PREPL: variants seen among roughly 807,000 people sequenced by gnomAD.
PREPL encodes prolyl endopeptidase-like.
PREPL carries 77 observed loss-of-function variants against 70.6 expected under a neutral mutation model. The observed-to-expected ratio is 1.09, with a 90% CI of 0.91 to 1.32. The LOEUF is 1.32. PREPL is among the 40% of genes most tolerant of loss of function. The pLI is 0.00. For synonymous variants in PREPL, 315 were observed against 264.8 expected, an observed-to-expected ratio of 1.19 and a Z score of -1.84; for missense variants, 1,002 against 778.2, an observed-to-expected ratio of 1.29 and a Z score of -3.42.
In PREPL at chr2:44,321,297, T is replaced by G; in HGVS notation, c.*59A>C. ...TTAATTTTTTTTTTGCTAACTCAAT[T>G]GGAAGTAAGACTATGAAATATTTCA... On this transcript the variant is annotated 3_prime_UTR_variant, in exon 14 of 14. Transcript: ENST00000409411. 2 of 1,361,784 alleles carry G rather than the reference T, an allele frequency of 1.5e-6. No homozygotes were observed. The highest frequency in any genetic ancestry group is 4.3e-5 in the Admixed American group (2 of 46,508). 84.4% of individuals were successfully genotyped at this position (1,361,784 alleles called of 1,614,324 possible). A position where few individuals can be genotyped will look rare whatever the true frequency, so the allele number is the denominator to read the frequency against.
In PREPL at chr2:44,346,332, A is replaced by G; in HGVS notation, c.11T>C (p.Phe4Ser). 3.7e-6 allele frequency: 6 copies of G among 1,612,360 alleles called. No individual in the cohort carries two copies. Among genetic ancestry groups the G allele is most frequent in the Non-Finnish European group, 5.1e-6 (6 of 1,178,846 alleles). Residue 4 changes from phenylalanine to serine, a missense_variant, in exon 2 of 14, where the codon TTT becomes TCT. Coordinates refer to ENST00000409411, the MANE Select transcript of PREPL (RefSeq NM_001171613.2). ...TTCTAATTTTGTTCTCACTTTTTCA[A>G]ATGCATCCATGTTTTCTGGAAGGGG... Reference protein sequence around the residue: MDAFEKVRTKLETQ... With the variant: MDASEKVRTKLETQ...
Position 44,320,960 on chromosome 2 carries a change from A to G in PREPL, c.*396T>C, listed in dbSNP as rs995356269. The G allele has an allele frequency of 2.5e-6, 1 of 406,540 alleles. No individual in the cohort carries two copies. Among genetic ancestry groups the G allele is most frequent in the African/African-American group, 2.0e-5 (1 of 49,208 alleles). The allele number at this position is 406,540 out of a possible 1,614,324, so 25.2% of individuals were successfully genotyped here. ...AATTTTATCTTTTCCCTTAAAATGC[A>G]GTCATAGAAATTAGAGGATGACTCA... On this transcript the variant is annotated 3_prime_UTR_variant, in exon 14 of 14. Transcript: ENST00000409411.
chr2:44,344,587 C>A lies in PREPL; in HGVS notation c.76-1G>T. The A allele has an allele frequency of 6.3e-7, 1 of 1,594,876 alleles. No individual in the cohort carries two copies. The highest frequency in any genetic ancestry group is 8.5e-7 in the Non-Finnish European group (1 of 1,170,984). The stretch of plus-strand genomic sequence containing the variant: ...AATAAACAAAACCACCATGTTTAAC[C>A]TGACAAAAGAAACATGCAGTTTACT... On this transcript the variant is annotated splice_acceptor_variant, in intron 2 of 13. Transcript: ENST00000409411. LOFTEE classifies it high-confidence loss of function.
intron 4 of PREPL, 28 bp downstream of exon 4, chr2:44,343,717 C>A (rs948670478): frequency 1.3e-5 from 20 of 1,582,318 alleles, no homozygotes; most frequent in Non-Finnish European, 1.6e-5. Context: ...CCTTTCAACA[C>A]AGAGGACTAT....
At chr2:44,338,658 A>C (rs1236940627) in intron 6 of PREPL, 122 bp from the exon 7 acceptor site, 13 of 786,258 alleles carry the variant, frequency 1.7e-5, no homozygotes, top group Admixed American at 6.1e-5. Flanking sequence ...AGCTGAAGGA[A>C]CTAACGCTGC....
In PREPL at chr2:44,319,866, A is replaced by C. The variant is rs1192154484; in HGVS notation, c.*1490T>G. On this transcript the variant is annotated 3_prime_UTR_variant, in exon 14 of 14. Coordinates refer to ENST00000409411, the MANE Select transcript of PREPL (RefSeq NM_001171613.2). ...GGCAGTTACAATATAGCACAGAATG[A>C]CTATGCAAGTTAAATATTCATCTTA... 3.6e-6 allele frequency: 1 copy of C among 275,018 alleles called. No individual in the cohort carries two copies. The highest frequency in any genetic ancestry group is 2.2e-5 in the African/African-American group (1 of 44,612). The allele number at this position is 275,018 out of a possible 1,614,324, so 17.0% of individuals were successfully genotyped here.
At chr2:44,329,654 C>T (rs956800076) in intron 8 of PREPL, among the ~76,000 whole-genome samples, 1 of 151,934 alleles carries the variant, frequency 6.6e-6, no homozygotes, top group Non-Finnish European at 1.5e-5. Context: ...CTTCAAAGGC[C>T]CATTTAACTT....
chr2:44,352,318 C>T (rs1200316388), intron 1 of PREPL, among the ~76,000 whole-genome samples: 2 of 152,060 alleles, frequency 1.3e-5, no homozygotes, highest in Non-Finnish European at 2.9e-5. Context: ...AGCTGGAGTG[C>T]AGTGGCATGA....
In PREPL at chr2:44,322,696, T is replaced by A. The variant is rs372543126; in HGVS notation, c.1753+35A>T. On this transcript the variant is annotated intron_variant, in intron 12 of 13. Transcript: ENST00000409411. ...CAGTGTGCTGTGGGTAGTAGTCTGT[T>A]TGGCCATGTTCCCTGCTTCTAGGGG... 15 of 1,602,706 alleles carry A rather than the reference T, an allele frequency of 9.4e-6. No homozygotes were observed. The East Asian group carries it at 3.1e-4, about 33-fold the overall frequency.
At chr2:44,350,864 C>T (rs1229215777) in intron 1 of PREPL, among the ~76,000 whole-genome samples, 1 of 152,122 alleles carries the variant, frequency 6.6e-6, no homozygotes. Context: ...AAACACTTTT[C>T]TTTACTTGGC....
chr2:44,320,764 T>C lies in PREPL; in HGVS notation c.*592A>G. On this transcript the variant is annotated 3_prime_UTR_variant, in exon 14 of 14. Transcript: ENST00000409411. ...TTCTTCGATATTTCTGTAGCTTGAA[T>C]GTAACTGCTTTAAGAAAGGTTCTCA... 1 of 816,798 alleles carries C rather than the reference T, an allele frequency of 1.2e-6. No individual in the cohort carries two copies. Among genetic ancestry groups the C allele is most frequent in the Non-Finnish European group, 2.1e-6 (1 of 487,506 alleles). 50.6% of individuals were successfully genotyped at this position (816,798 alleles called of 1,614,324 possible). A position where few individuals can be genotyped will look rare whatever the true frequency, so the allele number is the denominator to read the frequency against.
Position 44,320,405 on chromosome 2 carries a change from T to A in PREPL, c.*951A>T. On this transcript the variant is annotated 3_prime_UTR_variant, in exon 14 of 14. Transcript: ENST00000409411. ...GAGAATCAACACTGTTAAATCTACA[T>A]AATATGATTTCGGGCCTTCCCGCTA... 6.2e-7 allele frequency: 1 copy of A among 1,614,046 alleles called. No homozygotes were observed. The highest frequency in any genetic ancestry group is 1.1e-5 in the South Asian group (1 of 91,070).
At chr2:44,338,280 G>A in intron 7 of PREPL, 71 bp downstream of exon 7, 1 of 1,344,014 alleles carries the variant, frequency 7.4e-7, no homozygotes, top group South Asian at 1.3e-5. Context: ...TATTCAAAAT[G>A]TGATGTTCTG....
intron 3 of PREPL, 96 bp from the exon 4 acceptor site, chr2:44,344,047 G>A (rs1675513956): frequency 7.2e-7 from 1 of 1,391,220 alleles, no homozygotes; most frequent in South Asian, 1.5e-5. Flanking sequence ...TTCCCATTCT[G>A]TAAGAGGCCA....
chr2:44,323,922 T>G (rs1673233757), intron 10 of PREPL, among the ~76,000 whole-genome samples: 1 of 152,206 alleles, frequency 6.6e-6, no homozygotes, highest in Non-Finnish European at 1.5e-5. Flanking sequence ...ATTCCACTCC[T>G]GGCATATAAT....
chr2:44,335,672 T>C (rs1317641020), intron 7 of PREPL, among the ~76,000 whole-genome samples: 9 of 151,964 alleles, frequency 5.9e-5, no homozygotes, highest in Admixed American at 2.0e-4. Flanking sequence ...CCAAAAGCAA[T>C]TGCAACAAAA....
In PREPL at chr2:44,318,230, A is replaced by T. The variant is rs977028829; in HGVS notation, c.*3126T>A. 1 of 361,140 alleles carries T rather than the reference A, an allele frequency of 2.8e-6. No individual in the cohort carries two copies. Among genetic ancestry groups the T allele is most frequent in the Non-Finnish European group, 5.5e-6 (1 of 182,682 alleles). The allele number at this position is 361,140 out of a possible 1,614,324, so 22.4% of individuals were successfully genotyped here. ...TGCAGCCTCCCAAGTAGCTGGGATT[A>T]CAGGTGCACGTCATTATGCCCGGGT... is the stretch of plus-strand genomic sequence containing the variant. On this transcript the variant is annotated 3_prime_UTR_variant, in exon 14 of 14. Coordinates refer to ENST00000409411, the MANE Select transcript of PREPL (RefSeq NM_001171613.2).
At chr2:44,348,013 A>G (rs1572547394) in intron 1 of PREPL, among the ~76,000 whole-genome samples, 1 of 152,302 alleles carries the variant, frequency 6.6e-6, no homozygotes, top group East Asian at 1.9e-4. Context: ...AATGGTTGTT[A>G]TGATAGTCTC....
At position 44,320,557 on chromosome 2, in the gene PREPL, A is replaced by C. The variant is rs1367475597; in HGVS notation, c.*799T>G. On this transcript the variant is annotated 3_prime_UTR_variant, in exon 14 of 14. Transcript: ENST00000409411. ...AACACGAAGAATCTCCTTCATCGCCAAACAGCTTTCAGAGATAGATGCTTT... is the reference window on the plus strand; with the variant it reads ...AACACGAAGAATCTCCTTCATCGCCCAACAGCTTTCAGAGATAGATGCTTT... 6.2e-7 allele frequency: 1 copy of C among 1,613,962 alleles called. No individual in the cohort carries two copies. Among genetic ancestry groups the C allele is most frequent in the East Asian group, 2.2e-5 (1 of 44,890 alleles).
Sources: allele counts gnomAD v4.1 joint callset (sites outside exome capture counted in the v4.1 genomes callset), GRCh38; gene constraint gnomAD v4.1.1; transcripts MANE v1.5; gene names NCBI Gene and HGNC (gene_info 2026-07-23, HGNC 2026-07-21).